Variants in EPC2 observed in about 807,000 individuals in gnomAD.
The protein encoded by EPC2 is enhancer of polycomb homolog 2.
EPC2 carries 14 observed loss-of-function variants against 92.1 expected under a neutral mutation model. The ratio of observed to expected loss-of-function variants is 0.15; its 90% CI spans 0.10 to 0.24. The LOEUF is 0.24. Among genes scored for constraint, EPC2 ranks in the 10% least tolerant of loss-of-function variants. The pLI, the probability that EPC2 is intolerant of heterozygous loss-of-function variation, is 1.00. For missense variants in EPC2, 755 were observed against 971.5 expected, an observed-to-expected ratio of 0.78 and a Z score of 2.96; for synonymous variants, 340 against 334.7, an observed-to-expected ratio of 1.02 and a Z score of -0.17.
intron 1 of EPC2, among the ~76,000 whole-genome samples, chr2:148,686,552 A>G (rs1211189959): frequency 2.0e-5 from 3 of 152,254 alleles, no homozygotes; most frequent in Non-Finnish European, 2.9e-5. Flanking sequence ...TTTTCAGTTT[A>G]CTTTGCTCAG....
chr2:148,694,930 G>T (rs1282725691), intron 2 of EPC2, among the ~76,000 whole-genome samples: 1 of 152,060 alleles, frequency 6.6e-6, no homozygotes, highest in Non-Finnish European at 1.5e-5. Flanking sequence ...GTGCCACCAC[G>T]CCCGGCTAAT....
At chr2:148,658,946 G>A (rs1438731202) in intron 1 of EPC2, among the ~76,000 whole-genome samples, 2 of 151,888 alleles carry the variant, frequency 1.3e-5, no homozygotes. Flanking sequence ...CTTGGGTTTT[G>A]CAGGGTATAT....
intron 1 of EPC2, among the ~76,000 whole-genome samples, chr2:148,661,793 A>T (rs966189359): frequency 1.3e-5 from 2 of 152,176 alleles, no homozygotes; most frequent in African/African-American, 4.8e-5. Context: ...GCATCTGTGG[A>T]GATTACCATA....
At position 148,757,058 on chromosome 2, in the gene EPC2, A is replaced by T. The variant is rs73005668; in HGVS notation, c.666+2925A>T. Among the ~76,000 whole-genome samples, 1,522 of 152,330 alleles carry T rather than the reference A, an allele frequency of 1.0e-2. 25 individuals are homozygous for T. The highest frequency in any genetic ancestry group is 0.034 in the African/African-American group (1,427 of 41,564). On this transcript the variant is annotated intron_variant, in intron 4 of 13. Coordinates refer to ENST00000258484, the MANE Select transcript of EPC2 (RefSeq NM_015630.4). ...GTCTTAGAAGAATAGAAAAAATGTC[A>T]ATATGAACTTGTGGTTTTTAATATT... is the stretch of plus-strand genomic sequence containing the variant.
At chr2:148,785,711 G>T (rs1227029218) in intron 13 of EPC2, among the ~76,000 whole-genome samples, 1 of 152,088 alleles carries the variant, frequency 6.6e-6, no homozygotes, top group Non-Finnish European at 1.5e-5. Flanking sequence ...CCAAATTTGT[G>T]TTTTCTTTAG....
chr2:148,688,428 G>A (rs568586788), intron 1 of EPC2, among the ~76,000 whole-genome samples: 81 of 152,130 alleles, frequency 5.3e-4, no homozygotes, highest in African/African-American at 1.9e-3. Flanking sequence ...GGGGGGAGGG[G>A]GGACGGATAG....
Position 148,705,547 on chromosome 2 carries a change from T to C in EPC2, c.313+15174T>C. Among the ~76,000 whole-genome samples, 2 of 152,192 alleles carry C rather than the reference T, an allele frequency of 1.3e-5. 1 individual carries two copies. Among genetic ancestry groups the C allele is most frequent in the Admixed American group, 1.3e-4 (2 of 15,272 alleles). Reference sequence around the variant, plus strand: ...TCCTCAAGTGGGTCCCTGACCCCTGTGCAGCCTAACTTGGAGACACCTCCC... The same window carrying C: ...TCCTCAAGTGGGTCCCTGACCCCTGCGCAGCCTAACTTGGAGACACCTCCC... On this transcript the variant is annotated intron_variant, in intron 2 of 13. Coordinates refer to ENST00000258484, the MANE Select transcript of EPC2 (RefSeq NM_015630.4).
chr2:148,775,182 G>C (rs929409206), intron 10 of EPC2, among the ~76,000 whole-genome samples: 2 of 151,976 alleles, frequency 1.3e-5, no homozygotes, highest in African/African-American at 4.8e-5. Context: ...CATGACAATT[G>C]AGTAACCAAG....
intron 2 of EPC2, among the ~76,000 whole-genome samples, chr2:148,739,833 CTTTTTTTTTTTTT>C (rs144868417): frequency 4.9e-5 from 4 of 81,310 alleles, no homozygotes; most frequent in East Asian, 5.3e-4. Flanking sequence ...TCTTCTTCTT[CTTTTTTTTTTTTT>C]TTTTTTTTTT....
intron 1 of EPC2, among the ~76,000 whole-genome samples, chr2:148,670,881 T>G (rs1274666717): frequency 6.6e-6 from 1 of 152,104 alleles, no homozygotes; most frequent in African/African-American, 2.4e-5. Flanking sequence ...AGACTAGACA[T>G]CAGTATGTTG....
intron 1 of EPC2, among the ~76,000 whole-genome samples, chr2:148,660,767 A>G (rs1680916004): frequency 6.6e-6 from 1 of 151,964 alleles, no homozygotes; most frequent in Non-Finnish European, 1.5e-5. Flanking sequence ...TTAAAAAAAT[A>G]ATCTTTTCTC....
At chr2:148,727,498 T>C (rs1682522896) in intron 2 of EPC2, among the ~76,000 whole-genome samples, 1 of 152,262 alleles carries the variant, frequency 6.6e-6, no homozygotes, top group Admixed American at 6.5e-5. Flanking sequence ...TACCATGTAG[T>C]GGCCTATGAA....
At chr2:148,783,426 T>C (rs1177745967) in intron 11 of EPC2, among the ~76,000 whole-genome samples, 171 bp from the exon 12 acceptor site, 1 of 152,236 alleles carries the variant, frequency 6.6e-6, no homozygotes, top group African/African-American at 2.4e-5. Context: ...TTTGTTCGTT[T>C]CCCTGCTTCA....
Position 148,761,863 on chromosome 2 carries a change from A to G in EPC2, c.748A>G (p.Met250Val). ...TAGTAGAGCCATAACAATTTTGGAA[A>G]TGATTAAGAGAAGAGAGAAAACAAA... Reference protein sequence around the residue: ...EFSRAITILEMIKRREKTKRE... With the variant: ...EFSRAITILEVIKRREKTKRE... The change falls in exon 5 of 14, where the codon ATG (methionine) becomes GTG (valine). Residue 250 changes from methionine to valine, a missense_variant. By Grantham distance (21) the Met-to-Val change is conservative. Coordinates refer to ENST00000258484, the MANE Select transcript of EPC2 (RefSeq NM_015630.4). 6.3e-7 allele frequency: 1 copy of G among 1,596,400 alleles called. No individual in the cohort carries two copies. The highest frequency in any genetic ancestry group is 8.5e-7 in the Non-Finnish European group (1 of 1,173,596).
At chr2:148,712,491 G>A (rs902569673) in intron 2 of EPC2, among the ~76,000 whole-genome samples, 12 of 152,128 alleles carry the variant, frequency 7.9e-5, no homozygotes, top group Admixed American at 4.6e-4. Flanking sequence ...TAATGGAACC[G>A]AAAAATTCTT....
intron 3 of EPC2, 66 bp from the exon 4 acceptor site, chr2:148,753,861 C>T: frequency 7.1e-7 from 1 of 1,411,384 alleles, no homozygotes; most frequent in Non-Finnish European, 9.7e-7. Flanking sequence ...TTTCTACAGC[C>T]ATAAGCTAAC....
At chr2:148,686,001 A>T (rs1486875323) in intron 1 of EPC2, among the ~76,000 whole-genome samples, 2 of 152,218 alleles carry the variant, frequency 1.3e-5, no homozygotes, top group Admixed American at 1.3e-4. Flanking sequence ...GCTAAAGGTT[A>T]GGTGGCTGTG....
intron 2 of EPC2, among the ~76,000 whole-genome samples, chr2:148,739,989 C>T (rs769127869): frequency 2.4e-4 from 37 of 151,630 alleles, no homozygotes; most frequent in Non-Finnish European, 5.0e-4. Flanking sequence ...GTCCTGTCTG[C>T]CCCCTTCTTT....
intron 7 of EPC2, among the ~76,000 whole-genome samples, chr2:148,768,865 G>A (rs975597656): frequency 1.3e-5 from 2 of 152,186 alleles, no homozygotes; most frequent in Non-Finnish European, 2.9e-5. Context: ...ATAATGGGAT[G>A]TATAAAAACT....
Sources: gnomAD v4.1 joint callset for allele counts (sites outside exome capture counted in the v4.1 genomes callset) on GRCh38, gnomAD v4.1.1 for gene constraint, MANE v1.5 for transcripts, NCBI Gene and HGNC (gene_info 2026-07-23, HGNC 2026-07-21) for gene names.